Variants in C5orf58 observed in about 807,000 individuals in gnomAD.
The protein encoded by C5orf58 is chromosome 5 open reading frame 58.
C5orf58 carries 2 observed loss-of-function variants against 2.9 expected under a neutral mutation model. That is an observed-to-expected ratio of 0.69 (90% confidence interval 0.28 to 2.18). C5orf58 has a LOEUF of 2.18. Ranked by LOEUF, C5orf58 falls within the 30% of genes most tolerant of loss-of-function variation. The pLI, the probability that C5orf58 is intolerant of heterozygous loss-of-function variation, is 0.13. For synonymous variants in C5orf58, 37 were observed against 33.4 expected, an observed-to-expected ratio of 1.11 and a Z score of -0.37; for missense variants, 96 against 91.7, an observed-to-expected ratio of 1.05 and a Z score of -0.19.
intron 3 of C5orf58, among the ~76,000 whole-genome samples, chr5:170,241,832 G>A (rs981227546): frequency 6.6e-6 from 1 of 151,050 alleles, no homozygotes; most frequent in Non-Finnish European, 1.5e-5. Context: ...GGACTGGTGA[G>A]AGAGGGCATC....
chr5:170,246,098 C>T lies in C5orf58; in HGVS notation c.231C>T (p.Asn77=), dbSNP rs1474733534. 2 of 1,609,262 alleles carry T rather than the reference C, an allele frequency of 1.2e-6. No individual in the cohort carries two copies. Among genetic ancestry groups the T allele is most frequent in the Non-Finnish European group, 1.7e-6 (2 of 1,177,930 alleles). ...TATCAGATGTATCCCTTGTTTCTAACAGTTTTTCTATCTGATTTCTTATTT... is the reference window on the plus strand; with the variant it reads ...TATCAGATGTATCCCTTGTTTCTAATAGTTTTTCTATCTGATTTCTTATTT... ...SKISDVSLVS[N]SFSI is the part of the protein sequence containing the mutation. Residue 77 remains asparagine (N), a synonymous_variant, in exon 4 of 4, where the codon AAC becomes AAT. Transcript: ENST00000593851.
At chr5:170,238,579 T>A (rs80125824) in intron 3 of C5orf58, among the ~76,000 whole-genome samples, 2,543 of 152,286 alleles carry the variant, frequency 0.017, 72 homozygotes, top group African/African-American at 0.058. Context: ...GAAGGGCATT[T>A]GTTTCTACAA....
intron 3 of C5orf58, among the ~76,000 whole-genome samples, chr5:170,238,194 G>A (rs1224566699): frequency 1.3e-5 from 2 of 151,930 alleles, no homozygotes; most frequent in African/African-American, 2.4e-5. Flanking sequence ...GATTCAATGA[G>A]GAAGAAACAA....
chr5:170,235,178 A>T (rs1377608284), intron 3 of C5orf58, 108 bp downstream of exon 3: 1 of 607,424 alleles, frequency 1.6e-6, no homozygotes, highest in Non-Finnish European at 2.9e-6. Flanking sequence ...ACTAATTAGG[A>T]TTTCTCTATT....
intron 3 of C5orf58, among the ~76,000 whole-genome samples, chr5:170,236,609 T>G (rs554784483): frequency 7.2e-5 from 11 of 152,296 alleles, no homozygotes; most frequent in Non-Finnish European, 1.3e-4. Flanking sequence ...CCTGCTCAGA[T>G]CATTCCCCTC....
At chr5:170,238,629 C>T (rs1004304365) in intron 3 of C5orf58, among the ~76,000 whole-genome samples, 1 of 152,088 alleles carries the variant, frequency 6.6e-6, no homozygotes, top group Non-Finnish European at 1.5e-5. Context: ...AGGCTCATAC[C>T]AAGGCAGAAT....
intron 1 of C5orf58, chr5:170,233,645 A>G (rs116286139): frequency 0.029 from 4,684 of 160,890 alleles, 196 homozygotes; most frequent in African/African-American, 0.094. Flanking sequence ...CCCCATTCCT[A>G]TGGCCCCTAC....
At position 170,238,057 on chromosome 5, in the gene C5orf58, A is replaced by G. The variant is rs1760815931; in HGVS notation, c.94+2987A>G. On this transcript the variant is annotated intron_variant, in intron 3 of 3. Transcript: ENST00000593851. ...TAACCCAGCCAGAACACCCCACATT[A>G]TTGAGTACCACAGGTGCAGAACTTC... 2.0e-5 allele frequency among the ~76,000 whole-genome samples: 3 copies of G among 152,300 alleles called. 1 individual carries two copies. Among genetic ancestry groups the G allele is most frequent in the African/African-American group, 4.8e-5 (2 of 41,572 alleles).
chr5:170,234,070 GTA>G (rs1760637182), intron 1 of C5orf58, 43 bp from the exon 2 acceptor site: 1 of 1,175,354 alleles, frequency 8.5e-7, no homozygotes, highest in Non-Finnish European at 1.2e-6. Flanking sequence ...GGTCTTGGGG[GTA>G]GATGCAAAGC....
intron 3 of C5orf58, among the ~76,000 whole-genome samples, chr5:170,243,520 T>G (rs1221549660): frequency 6.6e-6 from 1 of 152,096 alleles, no homozygotes; most frequent in Non-Finnish European, 1.5e-5. Context: ...TACATCCCTT[T>G]ACCATTATGT....
intron 3 of C5orf58, chr5:170,237,238 A>T (rs1251254286): frequency 2.5e-6 from 1 of 398,150 alleles, no homozygotes; most frequent in Non-Finnish European, 4.4e-6. Context: ...TTAAATGAAC[A>T]CTCTGTGCAC....
intron 2 of C5orf58, 108 bp from the exon 3 acceptor site, chr5:170,234,868 TA>T: frequency 1.9e-6 from 1 of 534,090 alleles, no homozygotes; most frequent in Non-Finnish European, 3.3e-6. Context: ...ATTTGTTTCA[TA>T]ATTATTTCTG....
intron 3 of C5orf58, among the ~76,000 whole-genome samples, chr5:170,237,553 GACAA>G (rs1175255851): frequency 6.6e-6 from 1 of 152,124 alleles, no homozygotes; most frequent in East Asian, 1.9e-4. Context: ...GAAGCAAATA[GACAA>G]GTCTGAACCC....
At position 170,245,471 on chromosome 5, in the gene C5orf58, C is replaced by T. The variant is rs139240368; in HGVS notation, c.95-491C>T. On this transcript the variant is annotated intron_variant, in intron 3 of 3. Transcript: ENST00000593851. ...CCAAGCCAGGTGCGGGATATAATCTCGTGGTGCGCCGTTTTTTAAGCCGGT... is the reference window on the plus strand; with the variant it reads ...CCAAGCCAGGTGCGGGATATAATCTTGTGGTGCGCCGTTTTTTAAGCCGGT... 2.7e-3 allele frequency among the ~76,000 whole-genome samples: 411 copies of T among 152,334 alleles called. 5 individuals are homozygous for T. The East Asian group carries it at 0.051, about 19-fold the overall frequency.
At chr5:170,248,191 A>G (rs1761343048), downstream of C5orf58, 1 of 152,694 alleles carries the variant, frequency 6.5e-6, no homozygotes, top group Non-Finnish European at 1.5e-5. Flanking sequence ...AATAAGAGTG[A>G]AATTATATTT....
chr5:170,237,478 A>G (rs1438727620), intron 3 of C5orf58: 2 of 390,686 alleles, frequency 5.1e-6, no homozygotes, highest in Non-Finnish European at 9.0e-6. Flanking sequence ...AGTGATTTTT[A>G]AAGAGACAAA....
downstream of C5orf58, chr5:170,250,700 T>A (rs770879338): frequency 1.4e-5 from 23 of 1,595,282 alleles, no homozygotes; most frequent in East Asian, 4.2e-4. Flanking sequence ...ATAAAGACTT[T>A]GGGAAAATGT....
intron 1 of C5orf58, chr5:170,233,704 C>G (rs1046966517): frequency 1.8e-5 from 3 of 168,774 alleles, no homozygotes; most frequent in African/African-American, 7.2e-5. Context: ...TTGGAGCAGC[C>G]TCTCCTTTCT....
downstream of C5orf58, chr5:170,250,708 T>A (rs1404646401): frequency 3.7e-6 from 6 of 1,604,824 alleles, no homozygotes; most frequent in Non-Finnish European, 5.1e-6. Flanking sequence ...TTTGGGAAAA[T>A]GTCGAAATTT....
Sources: gnomAD v4.1 joint callset for allele counts (sites outside exome capture counted in the v4.1 genomes callset) on GRCh38, gnomAD v4.1.1 for gene constraint, MANE v1.5 for transcripts, NCBI Gene and HGNC (gene_info 2026-07-23, HGNC 2026-07-21) for gene names.